The following POU6F2 variants were observed in gnomAD, a reference collection of about 807,000 sequenced individuals.
The protein encoded by POU6F2 is POU class 6 homeobox 2.
POU6F2 carries 31 observed loss-of-function variants against 71.3 expected under a neutral mutation model. The ratio of observed to expected loss-of-function variants is 0.43; its 90% CI spans 0.33 to 0.59. The LOEUF is 0.59. Ranked by LOEUF, POU6F2 falls within the 20% of genes least tolerant of loss-of-function variation. POU6F2 has a pLI of 0.04. For missense variants in POU6F2, 783 were observed against 856.8 expected (o/e 0.91, Z 1.07); for synonymous variants, 347 against 355.7 (o/e 0.98, Z 0.27).
At chr7:39,325,547 T>C (rs545707786) in intron 4 of POU6F2, among the ~76,000 whole-genome samples, 1 of 152,346 alleles carries the variant, frequency 6.6e-6, no homozygotes, top group African/African-American at 2.4e-5. Flanking sequence ...TACTCCAGCT[T>C]CCACAGCCTT....
chr7:39,139,067 AG>A (rs1792443353), intron 2 of POU6F2, among the ~76,000 whole-genome samples: 1 of 151,978 alleles, frequency 6.6e-6, no homozygotes, highest in African/African-American at 2.4e-5. Context: ...CACCCTCTTG[AG>A]CTTTTTAAGA....
In POU6F2 at chr7:39,464,953, G is replaced by T. The variant is rs1583625871; in HGVS notation, c.*267G>T. 1 of 410,012 alleles carries T rather than the reference G, an allele frequency of 2.4e-6. No individual in the cohort carries two copies. Among genetic ancestry groups the T allele is most frequent in the Non-Finnish European group, 4.3e-6 (1 of 234,082 alleles). 25.4% of individuals were successfully genotyped at this position (410,012 alleles called of 1,614,324 possible). On this transcript the variant is annotated 3_prime_UTR_variant, in exon 10 of 10. Coordinates refer to ENST00000518318, the MANE Select transcript of POU6F2 (RefSeq NM_001370959.1). The surrounding 1 kb of genome is among the most constrained non-coding windows in gnomAD (Gnocchi z 4.1). ...CACTGAAGGTGTGTGTGGTAGGATA[G>T]TTCCCTTCCCCCACCTGTCTCCCCC... is the stretch of plus-strand genomic sequence containing the variant.
chr7:38,982,532 AT>A (rs1788349252), intron 1 of POU6F2, among the ~76,000 whole-genome samples: 2 of 152,096 alleles, frequency 1.3e-5, no homozygotes, highest in African/African-American at 4.8e-5. Flanking sequence ...TTATGTTAAC[AT>A]TTTACATTTC....
chr7:38,989,823 G>T (rs868152832), intron 1 of POU6F2, among the ~76,000 whole-genome samples: 4,098 of 119,440 alleles, frequency 0.034, 69 homozygotes, highest in African/African-American at 0.057. Flanking sequence ...GTGTGTGTGT[G>T]TGTTTGTGTG....
chr7:39,261,860 CT>C (rs1187262384), intron 4 of POU6F2, among the ~76,000 whole-genome samples: 1 of 152,160 alleles, frequency 6.6e-6, no homozygotes, highest in Non-Finnish European at 1.5e-5. Context: ...GTACTTATGT[CT>C]TTAAGACATC....
intron 2 of POU6F2, among the ~76,000 whole-genome samples, chr7:39,124,387 T>C (rs1562714782): frequency 6.6e-6 from 1 of 152,154 alleles, no homozygotes. Flanking sequence ...GATGAAATTG[T>C]CCTATGAAAA....
chr7:39,458,746 C>G (rs972449798), intron 8 of POU6F2, among the ~76,000 whole-genome samples: 12 of 151,756 alleles, frequency 7.9e-5, no homozygotes, highest in Non-Finnish European at 1.5e-4. Flanking sequence ...CTCATAGATT[C>G]TCAGTGTGCT....
At chr7:39,153,293 C>G (rs1792798082) in intron 2 of POU6F2, among the ~76,000 whole-genome samples, 1 of 152,080 alleles carries the variant, frequency 6.6e-6, no homozygotes. Context: ...ATAGATTGAT[C>G]TGTATTTGAA....
intron 6 of POU6F2, among the ~76,000 whole-genome samples, chr7:39,410,110 G>A (rs1420610645): frequency 1.3e-5 from 2 of 152,194 alleles, no homozygotes; most frequent in African/African-American, 4.8e-5. Flanking sequence ...CACTGTGGGA[G>A]GCCAAGGCAG....
chr7:39,110,713 G>A (rs71536627), intron 2 of POU6F2, among the ~76,000 whole-genome samples: 4,536 of 152,276 alleles, frequency 0.03, 95 homozygotes, highest in Middle Eastern at 0.078. Flanking sequence ...ATCAAAAGAT[G>A]TTATATAATT....
intron 4 of POU6F2, among the ~76,000 whole-genome samples, chr7:39,273,396 G>A (rs1257405468): frequency 6.6e-6 from 1 of 152,350 alleles, no homozygotes; most frequent in East Asian, 1.9e-4. Flanking sequence ...CAGGCAGTTT[G>A]CCTCTGTGGT....
intron 1 of POU6F2, among the ~76,000 whole-genome samples, chr7:38,990,479 A>G (rs1011920593): frequency 6.6e-6 from 1 of 152,058 alleles, no homozygotes; most frequent in African/African-American, 2.4e-5. Context: ...AATAGAGTGT[A>G]CTCCTAAATA....
intron 1 of POU6F2, among the ~76,000 whole-genome samples, chr7:39,031,676 T>A (rs1789945444): frequency 6.6e-6 from 1 of 151,590 alleles, no homozygotes; most frequent in Non-Finnish European, 1.5e-5. Context: ...TGACAAGGAG[T>A]TCGAGAGCAG....
intron 5 of POU6F2, among the ~76,000 whole-genome samples, chr7:39,385,586 C>T (rs1447431586): frequency 6.6e-6 from 1 of 152,236 alleles, no homozygotes; most frequent in Non-Finnish European, 1.5e-5. Flanking sequence ...CATTGAACTT[C>T]ATACCGATGT....
chr7:39,034,712 A>G (rs145050793), intron 1 of POU6F2, among the ~76,000 whole-genome samples: 1 of 152,248 alleles, frequency 6.6e-6, no homozygotes, highest in East Asian at 1.9e-4. Flanking sequence ...TCAGGTCAAG[A>G]GTAGATTGCA....
At chr7:39,240,593 C>T (rs1783705637) in intron 4 of POU6F2, among the ~76,000 whole-genome samples, 1 of 152,216 alleles carries the variant, frequency 6.6e-6, no homozygotes, top group African/African-American at 2.4e-5. Context: ...AGAAACTTTA[C>T]AAAATGCTTA....
At chr7:39,098,556 C>T (rs1791503957) in intron 2 of POU6F2, among the ~76,000 whole-genome samples, 1 of 152,116 alleles carries the variant, frequency 6.6e-6, no homozygotes, top group Non-Finnish European at 1.5e-5. Context: ...GTTGGGATTA[C>T]AGGCATGAGC....
chr7:39,062,329 T>C (rs577696869), intron 1 of POU6F2, among the ~76,000 whole-genome samples: 23 of 152,146 alleles, frequency 1.5e-4, no homozygotes, highest in East Asian at 5.8e-4. Context: ...TCTTAGAGAT[T>C]TGCAAAATCA....
intron 4 of POU6F2, among the ~76,000 whole-genome samples, chr7:39,277,068 A>T (rs1276902317): frequency 6.6e-6 from 1 of 152,150 alleles, no homozygotes; most frequent in African/African-American, 2.4e-5. Flanking sequence ...TTTTTAAAAA[A>T]TTCTCTTTCA....
Sources: allele counts gnomAD v4.1 joint callset (sites outside exome capture counted in the v4.1 genomes callset), GRCh38; gene constraint gnomAD v4.1.1; non-coding constraint Gnocchi (gnomAD v3.1); transcripts MANE v1.5; gene names NCBI Gene and HGNC (gene_info 2026-07-23, HGNC 2026-07-21).